The following PLXNA4 variants were observed in gnomAD, a reference collection of about 807,000 sequenced individuals.
PLXNA4 encodes the protein plexin A4.
A neutral mutation model predicts 191.8 loss-of-function variants in PLXNA4; 44 were observed. The observed-to-expected ratio is 0.23, with a 90% CI of 0.18 to 0.29. The LOEUF (loss-of-function observed/expected upper bound fraction) is 0.29. Ranked by LOEUF, PLXNA4 falls within the 10% of genes least tolerant of loss-of-function variation. The pLI is 1.00. For missense variants in PLXNA4, 1,800 were observed against 2,488.8 expected (o/e 0.72, Z 5.89); for synonymous variants, 1,082 against 1,009.5 (o/e 1.07, Z -1.36).
chr7:132,627,760 A>G (rs1803410816), intron 2 of PLXNA4, among the ~76,000 whole-genome samples: 1 of 152,194 alleles, frequency 6.6e-6, no homozygotes, highest in African/African-American at 2.4e-5. Flanking sequence ...ACCATCTTTG[A>G]AGCAGAGAAC....
chr7:132,430,616 T>A (rs1035246258), intron 3 of PLXNA4, among the ~76,000 whole-genome samples: 1 of 152,180 alleles, frequency 6.6e-6, no homozygotes, highest in Non-Finnish European at 1.5e-5. Flanking sequence ...ATGGTGTCTA[T>A]AAGAACATGC....
At chr7:132,146,975 G>A (rs1795454556) in intron 27 of PLXNA4, among the ~76,000 whole-genome samples, 1 of 152,186 alleles carries the variant, frequency 6.6e-6, no homozygotes, top group Admixed American at 6.5e-5. Context: ...TATTCAATTT[G>A]TAAAAATATA....
intron 2 of PLXNA4, among the ~76,000 whole-genome samples, chr7:132,642,837 A>G (rs1414393777): frequency 1.3e-5 from 2 of 152,230 alleles, no homozygotes; most frequent in Non-Finnish European, 2.9e-5. Context: ...CTATGCAGTG[A>G]TCTCCAAGAC....
At chr7:132,317,392 A>G (rs1278921454) in intron 3 of PLXNA4, among the ~76,000 whole-genome samples, 1 of 145,466 alleles carries the variant, frequency 6.9e-6, no homozygotes, top group African/African-American at 2.6e-5. Flanking sequence ...GTTGGGTTGG[A>G]TTGGGTTGGG....
At chr7:132,257,001 G>A (rs1157721501) in intron 4 of PLXNA4, among the ~76,000 whole-genome samples, 1 of 152,186 alleles carries the variant, frequency 6.6e-6, no homozygotes, top group African/African-American at 2.4e-5. Context: ...AGCCAGCTCA[G>A]GGAGGACAGC....
At chr7:132,342,129 C>T (rs1185827075) in intron 3 of PLXNA4, among the ~76,000 whole-genome samples, 1 of 151,648 alleles carries the variant, frequency 6.6e-6, no homozygotes, top group African/African-American at 2.4e-5. Flanking sequence ...TAAGCCAGCT[C>T]TGTCTCTTAC....
At chr7:132,481,179 C>T (rs1797320023) in intron 3 of PLXNA4, among the ~76,000 whole-genome samples, 2 of 152,008 alleles carry the variant, frequency 1.3e-5, no homozygotes, top group South Asian at 2.1e-4. Flanking sequence ...CTCTTTAATC[C>T]ATCCCAGGAA....
At chr7:132,293,307 T>C (rs930023191) in intron 4 of PLXNA4, among the ~76,000 whole-genome samples, 10 of 152,178 alleles carry the variant, frequency 6.6e-5, no homozygotes, top group Admixed American at 1.3e-4. Flanking sequence ...AGAGGTTTAA[T>C]GGACTCAGAG....
chr7:132,148,752 C>T, intron 25 of PLXNA4, 106 bp from the exon 26 acceptor site: 1 of 1,507,748 alleles, frequency 6.6e-7, no homozygotes, highest in Non-Finnish European at 8.9e-7. Context: ...AGGGTGTGTC[C>T]ATTGCAAGTG....
intron 3 of PLXNA4, among the ~76,000 whole-genome samples, chr7:132,427,782 A>G (rs1364460891): frequency 6.6e-6 from 1 of 152,216 alleles, no homozygotes; most frequent in Non-Finnish European, 1.5e-5. Flanking sequence ...CCCATCATGC[A>G]CTACGTGCTT....
chr7:132,156,524 G>A (rs1039438278), intron 25 of PLXNA4, among the ~76,000 whole-genome samples: 1 of 152,204 alleles, frequency 6.6e-6, no homozygotes, highest in African/African-American at 2.4e-5. Context: ...CGTGCCAGGG[G>A]CTGGGCATCA....
At chr7:132,177,974 T>C (rs1796533328) in intron 20 of PLXNA4, among the ~76,000 whole-genome samples, 1 of 152,090 alleles carries the variant, frequency 6.6e-6, no homozygotes, top group African/African-American at 2.4e-5. Context: ...CATGTACAAA[T>C]CTACAGCAAA....
rs561024158 is a variant in PLXNA4 at position 132,560,107 on chromosome 7, C to G, written c.-87+16315G>C. 5.0e-4 allele frequency among the ~76,000 whole-genome samples: 76 copies of G among 152,330 alleles called. 1 individual carries two copies. Among genetic ancestry groups the G allele is most frequent in the Middle Eastern group, 6.8e-3 (2 of 294 alleles). ...CTCCCAGAATGTGGGATTAGACCAA[C>G]AGGACATTATTCCTAATGGGCAAGG... On this transcript the variant is annotated intron_variant, in intron 1 of 31. Coordinates refer to ENST00000321063, the MANE Select transcript of PLXNA4 (RefSeq NM_020911.2).
intron 25 of PLXNA4, among the ~76,000 whole-genome samples, chr7:132,157,222 G>A (rs1046391527): frequency 2.6e-5 from 4 of 152,290 alleles, no homozygotes; most frequent in Admixed American, 6.5e-5. Flanking sequence ...GCCTTTCTCT[G>A]GCTTGTGCAG....
intron 4 of PLXNA4, among the ~76,000 whole-genome samples, chr7:132,266,536 T>C (rs1799864966): frequency 6.6e-6 from 1 of 152,258 alleles, no homozygotes. Context: ...TCTTTTCCTT[T>C]TAATCTATCT....
chr7:132,364,668 C>A, intron 3 of PLXNA4, among the ~76,000 whole-genome samples: 1 of 152,176 alleles, frequency 6.6e-6, no homozygotes. Context: ...TTTTCCTTAT[C>A]ACCAAACATA....
chr7:132,646,720 T>A (rs907943015), intron 1 of PLXNA4, among the ~76,000 whole-genome samples: 1 of 152,086 alleles, frequency 6.6e-6, no homozygotes, highest in Non-Finnish European at 1.5e-5. Context: ...ACTGGTGGGC[T>A]CATCTTATGA....
At chr7:132,141,793 G>A (rs564018372) in intron 29 of PLXNA4, among the ~76,000 whole-genome samples, 148 of 152,196 alleles carry the variant, frequency 9.7e-4, no homozygotes, top group Middle Eastern at 3.4e-3. Flanking sequence ...GCAGTGGGGC[G>A]ATCTCAGCTC....
chr7:132,396,370 A>T (rs949161411), intron 3 of PLXNA4, among the ~76,000 whole-genome samples: 2 of 152,232 alleles, frequency 1.3e-5, no homozygotes, highest in African/African-American at 4.8e-5. Flanking sequence ...GCACTGTAAG[A>T]TAAGCACTAT....
Sources: gnomAD v4.1 joint callset for allele counts (sites outside exome capture counted in the v4.1 genomes callset) on GRCh38, gnomAD v4.1.1 for gene constraint, MANE v1.5 for transcripts, NCBI Gene and HGNC (gene_info 2026-07-23, HGNC 2026-07-21) for gene names.